Variants in MPPED2 observed in about 807,000 individuals in gnomAD.
MPPED2 encodes the protein metallophosphoesterase domain containing 2.
In MPPED2, 5 loss-of-function variants were observed where a neutral mutation model predicts 33.0. The ratio of observed to expected loss-of-function variants is 0.15; its 90% confidence interval spans 0.08 to 0.32. The LOEUF (loss-of-function observed/expected upper bound fraction) is 0.32, where lower values mean the gene tolerates loss of function less well. Among genes scored for constraint, MPPED2 ranks in the 10% least tolerant of loss-of-function variants. The pLI, the probability that MPPED2 is intolerant of heterozygous loss-of-function variation, is 1.00. For synonymous variants in MPPED2, 136 were observed against 141.9 expected, an observed-to-expected ratio of 0.96 and a Z score of 0.29; for missense variants, 275 against 372.1, an observed-to-expected ratio of 0.74 and a Z score of 2.15.
At chr11:30,472,838 A>C (rs1951008202) in intron 4 of MPPED2, among the ~76,000 whole-genome samples, 1 of 152,224 alleles carries the variant, frequency 6.6e-6, no homozygotes, top group African/African-American at 2.4e-5. Flanking sequence ...ACAATTGCAC[A>C]ACAATGTACA....
chr11:30,553,091 T>C (rs16920925), intron 2 of MPPED2, among the ~76,000 whole-genome samples: 24,327 of 152,098 alleles, frequency 0.16, 2,901 homozygotes, highest in African/African-American at 0.34. Context: ...TGTGTTCCAA[T>C]GCAAACCAAG....
At chr11:30,511,377 A>G (rs1348705732) in intron 3 of MPPED2, among the ~76,000 whole-genome samples, 3 of 152,194 alleles carry the variant, frequency 2.0e-5, no homozygotes, top group Non-Finnish European at 4.4e-5. Flanking sequence ...TAAATAACCT[A>G]TCAACATAAC....
intron 4 of MPPED2, among the ~76,000 whole-genome samples, chr11:30,430,761 T>C (rs1949044210): frequency 6.6e-6 from 1 of 152,218 alleles, no homozygotes; most frequent in Non-Finnish European, 1.5e-5. Flanking sequence ...AAATACATAT[T>C]ATGCAAATGT....
intron 3 of MPPED2, among the ~76,000 whole-genome samples, chr11:30,512,196 G>C (rs1953247303): frequency 1.3e-5 from 2 of 152,264 alleles, no homozygotes; most frequent in South Asian, 4.1e-4. Flanking sequence ...CTCATGACTA[G>C]GGCCATGCAC....
intron 2 of MPPED2, among the ~76,000 whole-genome samples, chr11:30,572,429 T>G (rs144314735): frequency 3.9e-5 from 6 of 152,180 alleles, no homozygotes; most frequent in African/African-American, 7.2e-5. Context: ...GAACGTATTT[T>G]TAAGAATAAA....
chr11:30,534,996 C>T (rs944704932), intron 3 of MPPED2, among the ~76,000 whole-genome samples: 1 of 152,168 alleles, frequency 6.6e-6, no homozygotes, highest in Non-Finnish European at 1.5e-5. Flanking sequence ...GATATGTACT[C>T]AGATGTCAAC....
chr11:30,464,839 C>T (rs1404886115), intron 4 of MPPED2, among the ~76,000 whole-genome samples: 1 of 152,144 alleles, frequency 6.6e-6, no homozygotes, highest in Non-Finnish European at 1.5e-5. Context: ...CTTCAAGGAA[C>T]TTATCAGGTT....
chr11:30,518,198 CCT>C, intron 3 of MPPED2, among the ~76,000 whole-genome samples: 2 of 152,292 alleles, frequency 1.3e-5, no homozygotes, highest in South Asian at 4.1e-4. Context: ...CAGTCTCCAG[CCT>C]CTCTGAGACA....
chr11:30,400,948 T>C (rs961903975), intron 6 of MPPED2, among the ~76,000 whole-genome samples: 11 of 152,160 alleles, frequency 7.2e-5, no homozygotes, highest in African/African-American at 2.6e-4. Flanking sequence ...TTTTGATTTT[T>C]AGTAGAGACA....
At chr11:30,487,069 G>T (rs1297748903) in intron 4 of MPPED2, among the ~76,000 whole-genome samples, 1 of 152,222 alleles carries the variant, frequency 6.6e-6, no homozygotes, top group Non-Finnish European at 1.5e-5. Flanking sequence ...AGCTTGCCTA[G>T]GGTATGCATA....
chr11:30,408,472 C>T (rs570658360), downstream of MPPED2, among the ~76,000 whole-genome samples: 3 of 152,248 alleles, frequency 2.0e-5, no homozygotes, highest in Admixed American at 6.5e-5. Context: ...CCACCACGCC[C>T]AGCTAATTTT....
rs1948079444 is a variant in MPPED2, at chr11:30,410,946, GA to G, written c.*521del. 1 of 985,630 alleles carries G rather than the reference GA, an allele frequency of 1.0e-6. No individual in the cohort carries two copies. Among genetic ancestry groups the G allele is most frequent in the Non-Finnish European group, 1.2e-6 (1 of 829,952 alleles). 61.1% of individuals were successfully genotyped at this position (985,630 alleles called of 1,614,324 possible). On this transcript the variant is annotated 3_prime_UTR_variant, in exon 7 of 7. Coordinates refer to ENST00000358117, the MANE Select transcript of MPPED2 (RefSeq NM_001584.3). ...TTTCTTTATAGTGAGAGTATGAAAA[GA>G]AGTCTTTTCCATGCCTACTTCTGTT...
chr11:30,549,965 C>G (rs993540931), intron 2 of MPPED2, among the ~76,000 whole-genome samples: 3 of 152,046 alleles, frequency 2.0e-5, no homozygotes, highest in Non-Finnish European at 4.4e-5. Context: ...CAAATCAGCC[C>G]CTCTTCCCAC....
At chr11:30,535,381 G>T (rs1216410224) in intron 3 of MPPED2, among the ~76,000 whole-genome samples, 1 of 152,040 alleles carries the variant, frequency 6.6e-6, no homozygotes, top group Non-Finnish European at 1.5e-5. Context: ...CTGACCTGTG[G>T]GTGCCTCCAC....
chr11:30,533,704 C>G (rs920146859), intron 3 of MPPED2, among the ~76,000 whole-genome samples: 1 of 152,108 alleles, frequency 6.6e-6, no homozygotes, highest in African/African-American at 2.4e-5. Flanking sequence ...CTAACCATAT[C>G]CCAGGGCTCC....
intron 2 of MPPED2, among the ~76,000 whole-genome samples, chr11:30,573,155 A>T (rs1956777595): frequency 6.6e-6 from 1 of 152,196 alleles, no homozygotes; most frequent in African/African-American, 2.4e-5. Flanking sequence ...GACAGACCAC[A>T]TATATGAAGG....
chr11:30,536,188 T>A lies in MPPED2; in HGVS notation c.129-13A>T. ...GATGGGGTCGACCCTAAAGTAGACA[T>A]AACAGATCCCATAACAGTTAAACAT... On this transcript the variant is annotated splice_polypyrimidine_tract_variant and intron_variant, in intron 2 of 6. Coordinates refer to ENST00000358117, the MANE Select transcript of MPPED2 (RefSeq NM_001584.3). 1 of 1,568,832 alleles carries A rather than the reference T, an allele frequency of 6.4e-7. No homozygotes were observed. The highest frequency in any genetic ancestry group is 1.2e-5 in the South Asian group (1 of 83,202).
chr11:30,567,411 T>A (rs948933225), intron 2 of MPPED2, among the ~76,000 whole-genome samples: 1 of 152,132 alleles, frequency 6.6e-6, no homozygotes, highest in Non-Finnish European at 1.5e-5. Flanking sequence ...AGTAATTTGA[T>A]CCCATCAGAG....
downstream of MPPED2, chr11:30,410,218 C>T: frequency 2.0e-6 from 2 of 985,756 alleles, no homozygotes; most frequent in Non-Finnish European, 2.4e-6. Context: ...CTCTAAACAG[C>T]ACGAATTTAA....
Sources: allele counts gnomAD v4.1 joint callset (sites outside exome capture counted in the v4.1 genomes callset), GRCh38; gene constraint gnomAD v4.1.1; transcripts MANE v1.5; gene names NCBI Gene and HGNC (gene_info 2026-07-23, HGNC 2026-07-21).